Variants in KIF20B observed in about 807,000 individuals in gnomAD.
KIF20B encodes the protein kinesin family member 20B.
Under a neutral mutation model 232.5 loss-of-function variants are expected in KIF20B, and 188 were observed. The ratio of observed to expected loss-of-function variants is 0.81; its 90% CI spans 0.72 to 0.91. KIF20B has a LOEUF of 0.91. Ranked by LOEUF, KIF20B falls within the 40% of genes least tolerant of loss-of-function variation. KIF20B has a pLI of 0.00. For missense variants in KIF20B, 2,154 were observed against 2,055.9 expected (o/e 1.05, Z -0.92); for synonymous variants, 712 against 683.0 (o/e 1.04, Z -0.66).
intron 11 of KIF20B, 63 bp downstream of exon 11, chr10:89,717,785 T>A: frequency 1.6e-6 from 2 of 1,257,738 alleles, no homozygotes; most frequent in Admixed American, 2.5e-5. Context: ...TTTCAACTTT[T>A]TTGTTTTTAG....
At chr10:89,766,735 GCTCT>G (rs1386956351) in intron 29 of KIF20B, among the ~76,000 whole-genome samples, 3 of 152,006 alleles carry the variant, frequency 2.0e-5, no homozygotes, top group Non-Finnish European at 2.9e-5. Flanking sequence ...TACTCCTGAG[GCTCT>G]CTGTCAGGTA....
rs1379142007 is a variant in KIF20B at position 89,768,232 on chromosome 10, T to C, written c.4990-58T>C. 7.1e-6 allele frequency: 8 copies of C among 1,125,042 alleles called. No individual in the cohort carries two copies. In the East Asian group the frequency reaches 2.0e-4, roughly 28 times the overall value. 69.7% of individuals were successfully genotyped at this position (1,125,042 alleles called of 1,614,324 possible). On this transcript the variant is annotated intron_variant, in intron 29 of 32. Coordinates refer to ENST00000371728, the MANE Select transcript of KIF20B (RefSeq NM_001284259.2). Reference sequence around the variant, plus strand: ...CTTTTTACAAATTTTCTTTTTTGAGTCTAGAGAAATAAAATATTGTCAAGA... The same window carrying C: ...CTTTTTACAAATTTTCTTTTTTGAGCCTAGAGAAATAAAATATTGTCAAGA...
chr10:89,720,774 C>T (rs868775996), intron 13 of KIF20B, among the ~76,000 whole-genome samples: 32 of 152,124 alleles, frequency 2.1e-4, no homozygotes, highest in Admixed American at 2.6e-4. Context: ...GGCACGATCT[C>T]GGCTTACTGC....
chr10:89,760,501 T>C, intron 27 of KIF20B, 25 bp from the exon 28 acceptor site: 1 of 1,402,534 alleles, frequency 7.1e-7, no homozygotes, highest in Non-Finnish European at 1.0e-6. Context: ...CAATGCCCTG[T>C]TGCTTTAATA....
At chr10:89,736,645 G>A (rs1841660432) in intron 19 of KIF20B, among the ~76,000 whole-genome samples, 1 of 152,116 alleles carries the variant, frequency 6.6e-6, no homozygotes, top group East Asian at 1.9e-4. Flanking sequence ...TATTAAGCCT[G>A]AAAAAGGCAA....
rs1842701522 is a variant in KIF20B, at chr10:89,705,376, A to G, written c.82A>G (p.Ile28Val). The G allele has an allele frequency of 1.2e-6, 2 of 1,613,902 alleles. No homozygotes were observed. The highest frequency in any genetic ancestry group is 1.7e-6 in the Non-Finnish European group (2 of 1,179,926). ...TGACCCAATTGCAAGGCCTTCAGAA[A>G]TAAATTTCGATGGCATTAAGCTTGA... is the stretch of plus-strand genomic sequence containing the variant. ...SADPIARPSE[I>V]NFDGIKLDLS... Residue 28 changes from isoleucine to valine, a missense_variant, in exon 2 of 33, where the codon ATA (isoleucine) becomes GTA (valine). Transcript: ENST00000371728.
intron 17 of KIF20B, among the ~76,000 whole-genome samples, chr10:89,728,743 A>C (rs908474652): frequency 1.3e-5 from 2 of 151,846 alleles, no homozygotes; most frequent in Non-Finnish European, 2.9e-5. Context: ...ACTTCAGGTA[A>C]TCTCCCCACC....
chr10:89,753,004 A>G (rs139737851), intron 25 of KIF20B, among the ~76,000 whole-genome samples: 2 of 152,266 alleles, frequency 1.3e-5, no homozygotes, highest in Non-Finnish European at 2.9e-5. Flanking sequence ...TAAACTTCTT[A>G]CTCATCAAAT....
At chr10:89,754,827 T>C (rs1479904376) in intron 26 of KIF20B, among the ~76,000 whole-genome samples, 154 bp downstream of exon 26, 1 of 152,234 alleles carries the variant, frequency 6.6e-6, no homozygotes, top group Non-Finnish European at 1.5e-5. Context: ...CCAATTTATC[T>C]TGACATTCAC....
At position 89,717,639 on chromosome 10, in the gene KIF20B, G is replaced by T; in HGVS notation, c.1188G>T (p.Arg396Ser). 3 of 1,611,166 alleles carry T rather than the reference G, an allele frequency of 1.9e-6. No homozygotes were observed. Among genetic ancestry groups the T allele is most frequent in the Non-Finnish European group, 2.5e-6 (3 of 1,177,834 alleles). Residue 396 changes from arginine to serine, a missense_variant, in exon 11 of 33, where the codon AGG becomes AGT. Physicochemically the swap from Arg to Ser is moderately radical, Grantham distance 110 (BLOSUM62 -1). Transcript: ENST00000371728. ...TGAAGACACAGAATGAAGGTGAAAGGTTAAGAGAGACTGGGAATATCAACA... is the reference window on the plus strand; with the variant it reads ...TGAAGACACAGAATGAAGGTGAAAGTTTAAGAGAGACTGGGAATATCAACA... ...RTMKTQNEGE[R>S]LRETGNINTS...
chr10:89,743,583 C>A (rs1395658222), intron 21 of KIF20B, among the ~76,000 whole-genome samples: 1 of 152,002 alleles, frequency 6.6e-6, no homozygotes, highest in Non-Finnish European at 1.5e-5. Context: ...AATAATGGAA[C>A]AAGAAATTGA....
In KIF20B at chr10:89,711,161, A is replaced by T. The variant is rs750908383; in HGVS notation, c.675+16A>T. On this transcript the variant is annotated intron_variant, in intron 6 of 32. Coordinates refer to ENST00000371728, the MANE Select transcript of KIF20B (RefSeq NM_001284259.2). ...AATTAAAGAGGTATGGAAATATTTT[A>T]GTATGTAAAATATGTATAATTCCTG... 6.8e-7 allele frequency: 1 copy of T among 1,465,422 alleles called. No individual in the cohort carries two copies. The highest frequency in any genetic ancestry group is 1.4e-5 in the South Asian group (1 of 71,504). The allele number at this position is 1,465,422 out of a possible 1,614,324, so 90.8% of individuals were successfully genotyped here. A position where few individuals can be genotyped will look rare whatever the true frequency, so the allele number is the denominator to read the frequency against.
intron 31 of KIF20B, 122 bp downstream of exon 31, chr10:89,769,010 T>C: frequency 1.3e-6 from 1 of 741,802 alleles, no homozygotes; most frequent in Non-Finnish European, 2.1e-6. Context: ...GGCATTGTCC[T>C]ATACTAGGTA....
Position 89,709,942 on chromosome 10 carries a change from A to G in KIF20B, c.367A>G (p.Thr123Ala), listed in dbSNP as rs541129006. 1.2e-5 allele frequency: 19 copies of G among 1,583,552 alleles called. No homozygotes were observed. Among genetic ancestry groups the G allele is most frequent in the East Asian group, 2.2e-5 (1 of 44,506 alleles). ...GTTTGCTTAGGTTTTTGGCCCAGCAACTACACAGAAGGAATTCTTTCAGGG... is the reference window on the plus strand; with the variant it reads ...GTTTGCTTAGGTTTTTGGCCCAGCAGCTACACAGAAGGAATTCTTTCAGGG... The part of the protein sequence containing the change: ...FSFSKVFGPA[T>A]TQKEFFQGCI... Residue 123 changes from threonine (T) to alanine (A), a missense_variant, in exon 5 of 33, where the codon ACT (threonine) becomes GCT (alanine). Coordinates refer to ENST00000371728, the MANE Select transcript of KIF20B (RefSeq NM_001284259.2).
Position 89,714,942 on chromosome 10 carries a change from CT to C in KIF20B, c.713-5del, listed in dbSNP as rs57304303. Reference sequence around the variant, plus strand: ...ACTTTCGTGATTGTTTTTTCTTTTTCTTTTTTTTGTAGGAAGTTTAACTAAC... The same window carrying C: ...ACTTTCGTGATTGTTTTTTCTTTTTCTTTTTTTGTAGGAAGTTTAACTAAC... On this transcript the variant is annotated splice_polypyrimidine_tract_variant and intron_variant, in intron 7 of 32. Coordinates refer to ENST00000371728, the MANE Select transcript of KIF20B (RefSeq NM_001284259.2). 60 of 1,427,094 alleles carry C rather than the reference CT, an allele frequency of 4.2e-5. No homozygotes were observed. Among genetic ancestry groups the C allele is most frequent in the Middle Eastern group, 2.3e-4 (1 of 4,430 alleles). 88.4% of individuals were successfully genotyped at this position (1,427,094 alleles called of 1,614,324 possible).
In KIF20B at chr10:89,719,497, G is replaced by C. The variant is rs1227033333; in HGVS notation, c.1513G>C (p.Asp505His). 1 of 1,607,134 alleles carries C rather than the reference G, an allele frequency of 6.2e-7. No homozygotes were observed. Among genetic ancestry groups the C allele is most frequent in the African/African-American group, 1.3e-5 (1 of 74,680 alleles). Residue 505 changes from aspartate to histidine, a missense_variant, in exon 13 of 33, where the codon GAC becomes CAC. Transcript: ENST00000371728. Reference protein sequence around the residue: ...PVKSSQDVSLDSNSNSKILNV... With the variant: ...PVKSSQDVSLHSNSNSKILNV... ...CAAATCTTCTCAAGATGTATCACTA[G>C]ACAGTAATTCAAACAGTAAAATATT...
chr10:89,725,448 A>T (rs1018661137), intron 15 of KIF20B, among the ~76,000 whole-genome samples: 4 of 152,084 alleles, frequency 2.6e-5, no homozygotes, highest in Admixed American at 2.6e-4. Flanking sequence ...GATTTGTCTT[A>T]CTTAACATTT....
chr10:89,769,439 AAAC>A (rs1296147120), intron 31 of KIF20B, among the ~76,000 whole-genome samples: 1 of 152,032 alleles, frequency 6.6e-6, no homozygotes, highest in Non-Finnish European at 1.5e-5. Flanking sequence ...AACAGAACAA[AAAC>A]AACAACAAAA....
chr10:89,752,501 A>C (rs780655904), intron 24 of KIF20B, 66 bp from the exon 25 acceptor site: 2 of 1,207,036 alleles, frequency 1.7e-6, no homozygotes, highest in African/African-American at 1.6e-5. Context: ...GCCCATGTCA[A>C]GTGTATCTCT....
Sources: gnomAD v4.1 joint callset for allele counts (sites outside exome capture counted in the v4.1 genomes callset) on GRCh38, gnomAD v4.1.1 for gene constraint, MANE v1.5 for transcripts, NCBI Gene and HGNC (gene_info 2026-07-23, HGNC 2026-07-21) for gene names.